Variants in KANK1 observed in about 807,000 individuals in gnomAD.
The protein encoded by KANK1 is KN motif and ankyrin repeat domains 1.
In KANK1, 109 loss-of-function variants were observed where a neutral mutation model predicts 106.2. The ratio of observed to expected loss-of-function variants is 1.03; its 90% confidence interval spans 0.88 to 1.20. The LOEUF is 1.20. Ranked by LOEUF, KANK1 falls within the 50% of genes most tolerant of loss-of-function variation. The pLI is 0.00. For synonymous variants in KANK1, 873 were observed against 652.2 expected (o/e 1.34, Z -5.16); for missense variants, 2,399 against 1,710.7 (o/e 1.40, Z -7.10).
At chr9:648,781 CTG>C (rs1840275115) in intron 1 of KANK1, among the ~76,000 whole-genome samples, 2 of 152,238 alleles carry the variant, frequency 1.3e-5, no homozygotes, top group African/African-American at 4.8e-5. Flanking sequence ...TGTGAAAACA[CTG>C]TAAAATTATA....
chr9:492,930 A>G, intron 3 of KANK1, among the ~76,000 whole-genome samples: 1 of 151,654 alleles, frequency 6.6e-6, no homozygotes, highest in Non-Finnish European at 1.5e-5. Flanking sequence ...AGGCTGAGGC[A>G]GGAGAATCAC....
At chr9:611,896 G>C (rs1830643629) in intron 1 of KANK1, among the ~76,000 whole-genome samples, 1 of 151,868 alleles carries the variant, frequency 6.6e-6, no homozygotes, top group East Asian at 1.9e-4. Flanking sequence ...TTTTTTGTAT[G>C]TTTAGTAGAG....
intron 1 of KANK1, among the ~76,000 whole-genome samples, chr9:666,113 C>G (rs1844501238): frequency 6.6e-6 from 1 of 151,818 alleles, no homozygotes; most frequent in Admixed American, 6.6e-5. Flanking sequence ...ACCAAGAAAT[C>G]AAGACTGCAG....
chr9:592,599 T>C (rs1298893424), intron 1 of KANK1, among the ~76,000 whole-genome samples: 1 of 151,932 alleles, frequency 6.6e-6, no homozygotes, highest in Non-Finnish European at 1.5e-5. Context: ...TGAATCAATA[T>C]TACATCTCTA....
At chr9:572,492 C>A (rs1287338137) in intron 1 of KANK1, among the ~76,000 whole-genome samples, 1 of 151,852 alleles carries the variant, frequency 6.6e-6, no homozygotes, top group Non-Finnish European at 1.5e-5. Context: ...GTGGAGCTTG[C>A]AGTGAGCCGA....
chr9:501,664 G>T (rs1171189555), upstream of KANK1, among the ~76,000 whole-genome samples: 3 of 151,150 alleles, frequency 2.0e-5, no homozygotes, highest in East Asian at 5.8e-4. Flanking sequence ...ATATGATATC[G>T]ATTGGAATTT....
At chr9:710,094 A>G (rs539947589) in intron 2 of KANK1, among the ~76,000 whole-genome samples, 14 of 152,188 alleles carry the variant, frequency 9.2e-5, no homozygotes, top group East Asian at 7.7e-4. Flanking sequence ...AAAATTACCT[A>G]TTGAGTACGG....
chr9:564,850 C>T (rs541824135), intron 1 of KANK1, among the ~76,000 whole-genome samples: 3 of 152,334 alleles, frequency 2.0e-5, no homozygotes, highest in East Asian at 1.9e-4. Flanking sequence ...GTCTCATTGA[C>T]ATACAGTGTT....
At position 742,280 on chromosome 9, in the gene KANK1, G is replaced by C. The variant is rs113362230; in HGVS notation, c.3772G>C (p.Ala1258Pro). 6.2e-7 allele frequency: 1 copy of C among 1,614,080 alleles called. No homozygotes were observed. Among genetic ancestry groups the C allele is most frequent in the Non-Finnish European group, 8.5e-7 (1 of 1,180,044 alleles). Reference sequence around the variant, plus strand: ...GGTGAAGGGCCTTCTGGCCTGTGGGGCTGATGTCAACATCCAGGATGACGA... The same window carrying C: ...GGTGAAGGGCCTTCTGGCCTGTGGGCCTGATGTCAACATCCAGGATGACGA... ...DMVKGLLACG[A>P]DVNIQDDEGS... Residue 1258 changes from alanine to proline, a missense_variant, in exon 10 of 12, where the codon GCT becomes CCT. Coordinates refer to ENST00000382297, the MANE Select transcript of KANK1 (RefSeq NM_015158.5).
In KANK1 at chr9:712,934, G is replaced by A. The variant is rs200662387; in HGVS notation, c.2168G>A (p.Arg723His). The change falls in exon 3 of 12, where the codon CGT becomes CAT. Residue 723 changes from arginine (R) to histidine (H), a missense_variant. Physicochemically the swap from Arg to His is conservative, Grantham distance 29 (BLOSUM62 0). Coordinates refer to ENST00000382297, the MANE Select transcript of KANK1 (RefSeq NM_015158.5). ...ETRTVAVGEG[R>H]VKDINSSTKT... Reference sequence around the variant, plus strand: ...CGGACAGTAGCTGTAGGAGAAGGCCGTGTCAAGGACATCAACTCCTCCACC... The same window carrying A: ...CGGACAGTAGCTGTAGGAGAAGGCCATGTCAAGGACATCAACTCCTCCACC... The A allele has an allele frequency of 1.4e-5, 23 of 1,614,062 alleles. No individual in the cohort carries two copies. Among genetic ancestry groups the A allele is most frequent in the Admixed American group, 5.0e-5 (3 of 60,002 alleles).
intron 4 of KANK1, 165 bp from the exon 5 acceptor site, chr9:730,993 T>C: frequency 2.4e-6 from 1 of 419,850 alleles, no homozygotes; most frequent in East Asian, 4.2e-5. Context: ...TTTGAATTAT[T>C]TTCTTTGCAT....
chr9:742,087 G>A (rs1835738788), intron 9 of KANK1, 118 bp from the exon 10 acceptor site: 7 of 855,676 alleles, frequency 8.2e-6, no homozygotes, highest in Middle Eastern at 2.4e-4. Flanking sequence ...TAGTTCCATC[G>A]CCAGTTCTTT....
At chr9:725,319 T>C (rs756809541) in intron 3 of KANK1, among the ~76,000 whole-genome samples, 8 of 151,854 alleles carry the variant, frequency 5.3e-5, no homozygotes, top group Non-Finnish European at 1.0e-4. Flanking sequence ...ATGGTAAAAC[T>C]CAGTCTCTAC....
At chr9:572,598 C>G (rs753254229) in intron 1 of KANK1, among the ~76,000 whole-genome samples, 2 of 152,078 alleles carry the variant, frequency 1.3e-5, no homozygotes, top group African/African-American at 2.4e-5. Context: ...GATATGTTGC[C>G]CAGGCTGGTC....
At chr9:720,023 A>T (rs185718054) in intron 3 of KANK1, among the ~76,000 whole-genome samples, 2 of 152,358 alleles carry the variant, frequency 1.3e-5, no homozygotes, top group East Asian at 3.9e-4. Context: ...ATGGATAATT[A>T]TAAAAGCTAA....
intron 2 of KANK1, among the ~76,000 whole-genome samples, chr9:680,690 G>C (rs1333936137): frequency 6.6e-6 from 1 of 152,050 alleles, no homozygotes; most frequent in Middle Eastern, 3.2e-3. Flanking sequence ...CTGTGTACAC[G>C]GTTGCCAGAA....
intron 1 of KANK1, among the ~76,000 whole-genome samples, chr9:559,859 A>G (rs991611202): frequency 6.6e-6 from 1 of 151,858 alleles, no homozygotes; most frequent in African/African-American, 2.4e-5. Flanking sequence ...CTTCACACAT[A>G]CTCTGTTCTT....
intron 1 of KANK1, among the ~76,000 whole-genome samples, chr9:565,416 T>C (rs2804265): frequency 7.9e-5 from 12 of 151,996 alleles, no homozygotes. Context: ...CCCAAAAGGG[T>C]CTTCCAGTTC....
chr9:482,535 CAG>C (rs1015195433), intron 3 of KANK1, among the ~76,000 whole-genome samples: 5 of 152,266 alleles, frequency 3.3e-5, no homozygotes, highest in South Asian at 2.1e-4. Context: ...AACTGAGGCT[CAG>C]GGGTTAAATA....
Sources: allele counts gnomAD v4.1 joint callset (sites outside exome capture counted in the v4.1 genomes callset), GRCh38; gene constraint gnomAD v4.1.1; transcripts MANE v1.5; gene names NCBI Gene and HGNC (gene_info 2026-07-23, HGNC 2026-07-21).